ADAMTSL1: variants seen among roughly 807,000 people sequenced by gnomAD.
ADAMTSL1 encodes ADAMTS-like protein 1.
A neutral mutation model predicts 201.8 loss-of-function variants in ADAMTSL1; 126 were observed. The ratio of observed to expected loss-of-function variants is 0.62; its 90% CI spans 0.54 to 0.72. The LOEUF (loss-of-function observed/expected upper bound fraction) is 0.72, where lower values mean the gene tolerates loss of function less well. Among genes scored for constraint, ADAMTSL1 ranks in the 30% least tolerant of loss-of-function variants. ADAMTSL1 has a pLI of 0.00. For missense variants in ADAMTSL1, 2,679 were observed against 2,277.8 expected, an observed-to-expected ratio of 1.18 and a Z score of -3.59; for synonymous variants, 1,121 against 903.4, an observed-to-expected ratio of 1.24 and a Z score of -4.32.
chr9:18,027,723 AG>A (rs1820763227), intron 1 of ADAMTSL1, among the ~76,000 whole-genome samples: 1 of 152,054 alleles, frequency 6.6e-6, no homozygotes, highest in Non-Finnish European at 1.5e-5. Context: ...GTACATGTCT[AG>A]TAGGTGAAAT....
chr9:18,826,493 T>A, intron 22 of ADAMTSL1, 30 bp downstream of exon 22: 1 of 1,594,640 alleles, frequency 6.3e-7, no homozygotes, highest in Non-Finnish European at 8.5e-7. Flanking sequence ...CTGCCTCTGC[T>A]GCACCCTGTT....
intron 3 of ADAMTSL1, among the ~76,000 whole-genome samples, chr9:18,541,519 A>G (rs905634167): frequency 3.3e-5 from 5 of 152,038 alleles, no homozygotes; most frequent in African/African-American, 1.2e-4. Flanking sequence ...TCAAAGAAAA[A>G]AAAAAAAAAT....
At position 18,775,778 on chromosome 9, in the gene ADAMTSL1, A is replaced by C. The variant is rs202119233; in HGVS notation, c.2433A>C (p.Arg811=). The change falls in exon 18 of 29, where the codon CGA becomes CGC. Residue 811 remains arginine, a synonymous_variant. Transcript: ENST00000380548. ...GCTGCGGGGAAGGCACCCAGACTCG[A>C]AGCGCCATTTGCCGAAAGATGCTGA... ...STSCGEGTQT[R]SAICRKMLKT... is the part of the protein sequence containing the mutation. 33 of 1,612,960 alleles carry C rather than the reference A, an allele frequency of 2.0e-5. No homozygotes were observed. In the East Asian group the frequency reaches 4.2e-4, roughly 21 times the overall value.
chr9:18,440,886 T>G (rs1315110905), intron 2 of ADAMTSL1, among the ~76,000 whole-genome samples: 1 of 152,126 alleles, frequency 6.6e-6, no homozygotes, highest in Admixed American at 6.6e-5. Context: ...AATCTTTTTC[T>G]TAACACCATT....
intron 1 of ADAMTSL1, among the ~76,000 whole-genome samples, chr9:17,971,196 G>A (rs1360517604): frequency 6.6e-6 from 1 of 151,984 alleles, no homozygotes; most frequent in Non-Finnish European, 1.5e-5. Flanking sequence ...TTGATAGTTT[G>A]GAGGGTTGGA....
chr9:18,095,421 T>TTTC (rs1178168065), intron 1 of ADAMTSL1, among the ~76,000 whole-genome samples: 1 of 118,978 alleles, frequency 8.4e-6, no homozygotes, highest in Non-Finnish European at 1.6e-5. Context: ...TCTTTCTTTT[T>TTTC]TTTTTTTTTT....
At chr9:18,456,333 A>C (rs1438743943) in intron 2 of ADAMTSL1, among the ~76,000 whole-genome samples, 1 of 152,180 alleles carries the variant, frequency 6.6e-6, no homozygotes, top group Non-Finnish European at 1.5e-5. Context: ...GCTCCCATGC[A>C]GCCTCCTCCT....
At chr9:18,683,071 T>C (rs1297111771) in intron 12 of ADAMTSL1, among the ~76,000 whole-genome samples, 1 of 152,170 alleles carries the variant, frequency 6.6e-6, no homozygotes, top group Non-Finnish European at 1.5e-5. Context: ...CCCTCAACTA[T>C]GGGAGGAGGT....
At chr9:18,619,535 T>A (rs1825897889) in intron 4 of ADAMTSL1, among the ~76,000 whole-genome samples, 1 of 152,172 alleles carries the variant, frequency 6.6e-6, no homozygotes, top group Non-Finnish European at 1.5e-5. Flanking sequence ...TAGCACTAAG[T>A]CAGGCGTCTA....
At chr9:18,190,010 A>T (rs745378374) in intron 2 of ADAMTSL1, among the ~76,000 whole-genome samples, 1 of 152,216 alleles carries the variant, frequency 6.6e-6, no homozygotes, top group Non-Finnish European at 1.5e-5. Flanking sequence ...TAATGAATCT[A>T]TCTAGAACAA....
intron 1 of ADAMTSL1, among the ~76,000 whole-genome samples, chr9:18,115,409 G>C (rs1458278154): frequency 6.6e-6 from 1 of 152,118 alleles, no homozygotes; most frequent in South Asian, 2.1e-4. Context: ...GAGCTTTAGA[G>C]AGAACAAGTC....
At chr9:18,422,204 A>G (rs1485643428) in intron 2 of ADAMTSL1, among the ~76,000 whole-genome samples, 1 of 152,000 alleles carries the variant, frequency 6.6e-6, no homozygotes, top group Admixed American at 6.6e-5. Context: ...CACACAAGCC[A>G]CCTTAAACAT....
chr9:18,292,384 T>C (rs73643224), intron 2 of ADAMTSL1, among the ~76,000 whole-genome samples: 9,262 of 152,112 alleles, frequency 0.061, 942 homozygotes, highest in African/African-American at 0.21. Context: ...CAAGAAACTA[T>C]CGTGGTAGGC....
intron 1 of ADAMTSL1, among the ~76,000 whole-genome samples, chr9:18,000,478 A>T (rs1379788462): frequency 6.6e-6 from 1 of 151,722 alleles, no homozygotes; most frequent in Admixed American, 6.6e-5. Flanking sequence ...GGGGAAGAGT[A>T]CCTCTCCTCT....
intron 2 of ADAMTSL1, among the ~76,000 whole-genome samples, chr9:18,200,714 A>G (rs1829408001): frequency 6.6e-6 from 1 of 152,074 alleles, no homozygotes; most frequent in Non-Finnish European, 1.5e-5. Flanking sequence ...GCACTTTCCA[A>G]ATGAGTTATG....
rs549150070 is a variant in ADAMTSL1 at position 18,030,468 on chromosome 9, G to C, written c.87+123546G>C. On this transcript the variant is annotated intron_variant, in intron 1 of 29. Transcript: ENST00000680146. ...CTAATGTTAAATGATGAGTTAATGG[G>C]TGCAGCACACCAGCATGGCACATGT... 2.5e-3 allele frequency among the ~76,000 whole-genome samples: 383 copies of C among 152,066 alleles called. 1 individual carries two copies. The highest frequency in any genetic ancestry group is 8.8e-3 in the African/African-American group (363 of 41,442).
chr9:18,382,544 G>C (rs1837601323), intron 2 of ADAMTSL1, among the ~76,000 whole-genome samples: 1 of 151,774 alleles, frequency 6.6e-6, no homozygotes, highest in Non-Finnish European at 1.5e-5. Context: ...GTTTGTTTTG[G>C]AGAACCTCTA....
At chr9:17,993,676 G>T (rs539146690) in intron 1 of ADAMTSL1, among the ~76,000 whole-genome samples, 1 of 152,294 alleles carries the variant, frequency 6.6e-6, no homozygotes, top group East Asian at 1.9e-4. Context: ...ATGAGGCTAA[G>T]TTGGGGAGAT....
chr9:18,036,392 T>G (rs1821197254), intron 1 of ADAMTSL1, among the ~76,000 whole-genome samples: 1 of 152,196 alleles, frequency 6.6e-6, no homozygotes, highest in Admixed American at 6.5e-5. Context: ...ATGAACATCT[T>G]CCAGTTGACT....
Sources: gnomAD v4.1 joint callset for allele counts (sites outside exome capture counted in the v4.1 genomes callset) on GRCh38, gnomAD v4.1.1 for gene constraint, MANE v1.5 for transcripts, NCBI Gene and HGNC (gene_info 2026-07-23, HGNC 2026-07-21) for gene names.